The following MFHAS1 variants were observed in gnomAD, a reference collection of about 807,000 sequenced individuals.
The protein encoded by MFHAS1 is malignant fibrous histiocytoma-amplified sequence 1.
A neutral mutation model predicts 70.4 loss-of-function variants in MFHAS1; 50 were observed. The observed-to-expected ratio is 0.71, with a 90% CI of 0.57 to 0.90. The LOEUF (loss-of-function observed/expected upper bound fraction) is 0.90, where lower values mean the gene tolerates loss of function less well. MFHAS1 is among the 40% of genes least tolerant of loss of function. MFHAS1 has a pLI of 0.00. For synonymous variants in MFHAS1, 952 were observed against 620.0 expected (o/e 1.54, Z -7.96); for missense variants, 1,795 against 1,347.6 (o/e 1.33, Z -5.20).
At chr8:8,808,597 G>C (rs1806427016) in intron 1 of MFHAS1, among the ~76,000 whole-genome samples, 1 of 152,188 alleles carries the variant, frequency 6.6e-6, no homozygotes, top group African/African-American at 2.4e-5. Flanking sequence ...TCTACAGTGA[G>C]AATGAATATT....
chr8:8,888,537 CACAA>C (rs1207559768), intron 1 of MFHAS1, among the ~76,000 whole-genome samples: 1 of 152,054 alleles, frequency 6.6e-6, no homozygotes, highest in African/African-American at 2.4e-5. Context: ...CACACACACA[CACAA>C]AAACAGTTGT....
At chr8:8,856,358 C>T (rs907351336) in intron 1 of MFHAS1, among the ~76,000 whole-genome samples, 1 of 152,190 alleles carries the variant, frequency 6.6e-6, no homozygotes, top group African/African-American at 2.4e-5. Context: ...AGAAACAGCA[C>T]TTGCCCAGAA....
chr8:8,882,708 G>C (rs553010096), intron 1 of MFHAS1, among the ~76,000 whole-genome samples: 104 of 152,352 alleles, frequency 6.8e-4, no homozygotes, highest in South Asian at 5.4e-3. Context: ...CCTGTGCCAG[G>C]CATTGCACAG....
chr8:8,852,283 G>A (rs1264252061), intron 1 of MFHAS1, among the ~76,000 whole-genome samples: 2 of 152,178 alleles, frequency 1.3e-5, no homozygotes, highest in Non-Finnish European at 2.9e-5. Flanking sequence ...AGACCAGCCT[G>A]TGCAACATGG....
chr8:8,805,790 C>T (rs1806267908), intron 1 of MFHAS1, among the ~76,000 whole-genome samples: 2 of 151,866 alleles, frequency 1.3e-5, no homozygotes, highest in Admixed American at 1.3e-4. Flanking sequence ...CTCCACCTTC[C>T]GGGTTCAAGA....
In MFHAS1 at chr8:8,783,521, G is replaced by C. The variant is rs957081432; in HGVS notation, c.*2501C>G. The C allele has an allele frequency of 6.6e-6, 1 of 152,078 alleles. No individual in the cohort carries two copies. The highest frequency in any genetic ancestry group is 1.5e-5 in the Non-Finnish European group (1 of 68,008). 9.4% of individuals were successfully genotyped at this position (152,078 alleles called of 1,614,324 possible). On this transcript the variant is annotated 3_prime_UTR_variant, in exon 3 of 3. Coordinates refer to ENST00000276282, the MANE Select transcript of MFHAS1 (RefSeq NM_004225.3). ...CCTTTTCCTTTTTATTCATTCAAAA[G>C]AGAGTCCAATACACAAGTGTCAAAT...
Position 8,873,421 on chromosome 8 carries a change from G to A in MFHAS1, c.2998+16640C>T, listed in dbSNP as rs575968426. The stretch of plus-strand genomic sequence containing the variant: ...TTGTTAGCTTGAAATAAATATATAC[G>A]TCATTAAGTATGTTTTAAACACAGA... On this transcript the variant is annotated intron_variant, in intron 1 of 2. Coordinates refer to ENST00000276282, the MANE Select transcript of MFHAS1 (RefSeq NM_004225.3). 2.0e-3 allele frequency among the ~76,000 whole-genome samples: 307 copies of A among 150,988 alleles called. 1 individual carries two copies. The highest frequency in any genetic ancestry group is 3.5e-3 in the Non-Finnish European group (238 of 67,852).
At chr8:8,851,759 A>C (rs1808255784) in intron 1 of MFHAS1, among the ~76,000 whole-genome samples, 1 of 152,220 alleles carries the variant, frequency 6.6e-6, no homozygotes, top group South Asian at 2.1e-4. Context: ...AAATACAGGA[A>C]GTTAATCCAA....
At chr8:8,865,266 G>GTCTCA (rs1355795337) in intron 1 of MFHAS1, among the ~76,000 whole-genome samples, 2 of 109,562 alleles carry the variant, frequency 1.8e-5, no homozygotes, top group African/African-American at 7.2e-5. Flanking sequence ...GACAGAGTGA[G>GTCTCA]ACTCCATCTC....
intron 1 of MFHAS1, among the ~76,000 whole-genome samples, chr8:8,848,891 G>C (rs989758716): frequency 9.9e-5 from 15 of 151,992 alleles, no homozygotes; most frequent in Non-Finnish European, 1.5e-4. Context: ...GTTAAATCAA[G>C]TTACCTTTTT....
chr8:8,871,520 A>C (rs1434946677), intron 1 of MFHAS1, among the ~76,000 whole-genome samples: 1 of 152,262 alleles, frequency 6.6e-6, no homozygotes, highest in Non-Finnish European at 1.5e-5. Flanking sequence ...ACTGCACTCC[A>C]GCCTGGGCAA....
At chr8:8,877,246 G>C (rs1460914758) in intron 1 of MFHAS1, among the ~76,000 whole-genome samples, 1 of 136,046 alleles carries the variant, frequency 7.4e-6, no homozygotes, top group Non-Finnish European at 1.5e-5. Context: ...GCTTTAGTGA[G>C]CTGTGACTGT....
At chr8:8,832,140 T>C (rs978434334) in intron 1 of MFHAS1, among the ~76,000 whole-genome samples, 1 of 134,414 alleles carries the variant, frequency 7.4e-6, no homozygotes, top group Non-Finnish European at 1.6e-5. Flanking sequence ...AAAGCCAAAA[T>C]CACAAACTTC....
intron 1 of MFHAS1, among the ~76,000 whole-genome samples, chr8:8,821,236 C>T (rs996261108): frequency 2.0e-5 from 3 of 152,188 alleles, no homozygotes; most frequent in Non-Finnish European, 4.4e-5. Context: ...GCAAAGCTTA[C>T]AGGATGCCTC....
At chr8:8,849,964 GA>G (rs1365240935) in intron 1 of MFHAS1, among the ~76,000 whole-genome samples, 2 of 152,226 alleles carry the variant, frequency 1.3e-5, no homozygotes, top group East Asian at 3.8e-4. Flanking sequence ...CAGGATGGTA[GA>G]AACTTTCAGG....
intron 2 of MFHAS1, among the ~76,000 whole-genome samples, chr8:8,792,138 A>G (rs1184094317): frequency 6.7e-6 from 1 of 150,286 alleles, no homozygotes; most frequent in Non-Finnish European, 1.5e-5. Flanking sequence ...CTCGGCAGGG[A>G]TAACAGGAGA....
At chr8:8,880,698 T>TGCC (rs1809485576) in intron 1 of MFHAS1, among the ~76,000 whole-genome samples, 1 of 148,948 alleles carries the variant, frequency 6.7e-6, no homozygotes, top group African/African-American at 2.5e-5. Context: ...TTTTTTTTTT[T>TGCC]CCCCCAGATG....
At chr8:8,863,174 C>A (rs1808730227) in intron 1 of MFHAS1, among the ~76,000 whole-genome samples, 1 of 152,136 alleles carries the variant, frequency 6.6e-6, no homozygotes, top group African/African-American at 2.4e-5. Context: ...TATTCTGTTC[C>A]ATCAATCTAT....
intron 1 of MFHAS1, among the ~76,000 whole-genome samples, chr8:8,816,011 G>A (rs748238604): frequency 6.6e-6 from 1 of 152,124 alleles, no homozygotes; most frequent in Non-Finnish European, 1.5e-5. Flanking sequence ...CGCCAACATC[G>A]ATGACCTGGG....
Sources: allele counts gnomAD v4.1 joint callset (sites outside exome capture counted in the v4.1 genomes callset), GRCh38; gene constraint gnomAD v4.1.1; transcripts MANE v1.5; gene names NCBI Gene and HGNC (gene_info 2026-07-23, HGNC 2026-07-21).